The following OSBPL10 variants were observed in gnomAD, a reference collection of about 807,000 sequenced individuals.
OSBPL10 encodes oxysterol-binding protein-related protein 10.
OSBPL10 carries 49 observed loss-of-function variants against 81.7 expected under a neutral mutation model. The ratio of observed to expected loss-of-function variants is 0.60; its 90% CI spans 0.48 to 0.76. OSBPL10 has a LOEUF of 0.76. Among genes scored for constraint, OSBPL10 ranks in the 30% least tolerant of loss-of-function variants. OSBPL10 has a pLI of 0.00. For missense variants in OSBPL10, 923 were observed against 987.8 expected, an observed-to-expected ratio of 0.93 and a Z score of 0.88; for synonymous variants, 419 against 383.6, an observed-to-expected ratio of 1.09 and a Z score of -1.08.
At chr3:31,810,746 C>A (rs1181662372) in intron 4 of OSBPL10, among the ~76,000 whole-genome samples, 3 of 152,154 alleles carry the variant, frequency 2.0e-5, no homozygotes, top group Admixed American at 2.0e-4. Context: ...CAAGTTTTCC[C>A]CTAGCCAATT....
intron 2 of OSBPL10, among the ~76,000 whole-genome samples, chr3:32,039,044 T>C (rs1364401412): frequency 1.4e-4 from 21 of 151,722 alleles, no homozygotes; most frequent in Non-Finnish European, 3.1e-4. Flanking sequence ...ATAAAGAGGG[T>C]CAGGGCATGG....
chr3:31,918,022 T>A (rs1345820259), intron 1 of OSBPL10, among the ~76,000 whole-genome samples: 2 of 152,074 alleles, frequency 1.3e-5, no homozygotes, highest in African/African-American at 2.4e-5. Context: ...AAATTACTAC[T>A]TTATAAATAA....
At chr3:31,977,881 C>T (rs748216486) in intron 1 of OSBPL10, among the ~76,000 whole-genome samples, 2 of 152,148 alleles carry the variant, frequency 1.3e-5, no homozygotes, top group African/African-American at 2.4e-5. Context: ...TTCACATTCT[C>T]ATCCAGTGAG....
At chr3:31,733,751 C>T (rs1001187017) in intron 5 of OSBPL10, among the ~76,000 whole-genome samples, 7 of 141,212 alleles carry the variant, frequency 5.0e-5, no homozygotes, top group South Asian at 2.2e-4. Flanking sequence ...CGGTGGCTCA[C>T]GCCTGTAATC....
rs182752707 is a variant in OSBPL10, at chr3:31,691,843, C to T, written c.1246-7729G>A. Among the ~76,000 whole-genome samples, 56 of 152,090 alleles carry T rather than the reference C, an allele frequency of 3.7e-4. No homozygotes were observed. The East Asian group carries it at 9.7e-3, about 26-fold the overall frequency. Reference sequence around the variant, plus strand: ...AAGCAAGCAGAGAGGCCTCCACCACCGCAAAGGTTCATTTATGTCCTATTT... The same window carrying T: ...AAGCAAGCAGAGAGGCCTCCACCACTGCAAAGGTTCATTTATGTCCTATTT... On this transcript the variant is annotated intron_variant, in intron 7 of 11. Coordinates refer to ENST00000396556, the MANE Select transcript of OSBPL10 (RefSeq NM_017784.5).
intron 4 of OSBPL10, among the ~76,000 whole-genome samples, chr3:31,750,125 T>C (rs1697666574): frequency 6.6e-6 from 1 of 152,150 alleles, no homozygotes; most frequent in Non-Finnish European, 1.5e-5. Flanking sequence ...AAAGTTGCAG[T>C]AAGCTGAGAT....
At chr3:31,779,186 T>G (rs1042360657) in intron 4 of OSBPL10, among the ~76,000 whole-genome samples, 2 of 152,094 alleles carry the variant, frequency 1.3e-5, no homozygotes, top group African/African-American at 4.8e-5. Context: ...AGACAACAAC[T>G]AGCACGATGA....
At chr3:31,784,582 G>A (rs982343407) in intron 4 of OSBPL10, among the ~76,000 whole-genome samples, 1 of 151,972 alleles carries the variant, frequency 6.6e-6, no homozygotes, top group East Asian at 1.9e-4. Context: ...AGCAAAAATG[G>A]GTTTGTTTTT....
chr3:31,856,797 C>G (rs1700922129), intron 3 of OSBPL10, among the ~76,000 whole-genome samples: 1 of 152,138 alleles, frequency 6.6e-6, no homozygotes, highest in Non-Finnish European at 1.5e-5. Flanking sequence ...TCATGTAGGC[C>G]AGACACAGTG....
At chr3:32,074,883 G>A (rs189534699) in intron 1 of OSBPL10, among the ~76,000 whole-genome samples, 2 of 152,112 alleles carry the variant, frequency 1.3e-5, no homozygotes, top group African/African-American at 2.4e-5. Context: ...CTTTTTATGC[G>A]GCTCTTCCAC....
intron 1 of OSBPL10, among the ~76,000 whole-genome samples, chr3:32,050,088 T>A (rs1699657843): frequency 6.6e-6 from 1 of 152,220 alleles, no homozygotes; most frequent in African/African-American, 2.4e-5. Flanking sequence ...GAAGTTTCCC[T>A]CTTGTCCCAA....
intron 6 of OSBPL10, chr3:31,704,240 G>A (rs1221251825): frequency 6.6e-6 from 1 of 152,428 alleles, no homozygotes; most frequent in Non-Finnish European, 1.5e-5. Flanking sequence ...TGGATTTCAG[G>A]TCAGTTTGAA....
At chr3:31,806,620 A>C (rs934899111) in intron 4 of OSBPL10, among the ~76,000 whole-genome samples, 2 of 152,226 alleles carry the variant, frequency 1.3e-5, no homozygotes, top group Non-Finnish European at 2.9e-5. Context: ...CAATGAGCAA[A>C]TAAAGACATA....
chr3:32,027,473 T>C (rs1341132816), intron 2 of OSBPL10, among the ~76,000 whole-genome samples: 6 of 152,120 alleles, frequency 3.9e-5, no homozygotes, highest in Admixed American at 2.0e-4. Context: ...ATGTTTTATA[T>C]TCATCAAAGA....
At chr3:31,817,940 A>C (rs1457755007) in intron 4 of OSBPL10, among the ~76,000 whole-genome samples, 1 of 152,206 alleles carries the variant, frequency 6.6e-6, no homozygotes, top group East Asian at 1.9e-4. Flanking sequence ...CCATGTCTCT[A>C]CAAAAAATAC....
At chr3:31,807,866 T>G (rs1699562560) in intron 4 of OSBPL10, among the ~76,000 whole-genome samples, 1 of 152,222 alleles carries the variant, frequency 6.6e-6, no homozygotes, top group Non-Finnish European at 1.5e-5. Flanking sequence ...GAAGAGGCAC[T>G]GAAGACTACA....
At position 31,965,459 on chromosome 3, in the gene OSBPL10, T is replaced by TATAATATATG. The variant is rs71068019; in HGVS notation, c.281+15439_281+15440insCATATATTAT. Among the ~76,000 whole-genome samples, 202 of 69,908 alleles carry TATAATATATG rather than the reference T, an allele frequency of 2.9e-3. 18 individuals carry two copies. Among genetic ancestry groups the TATAATATATG allele is most frequent in the African/African-American group, 9.0e-3 (129 of 14,404 alleles). The allele number at this position is 69,908 out of a possible 152,430, so 45.9% of individuals were successfully genotyped here. On this transcript the variant is annotated intron_variant, in intron 1 of 11. Transcript: ENST00000396556. ...ATAATATATATTATATAATATATAATTTATATAATATATATTATATATTAT... is the reference window on the plus strand; with the variant it reads ...ATAATATATATTATATAATATATAATATAATATATGTTATATAATATATATTATATATTAT...
intron 5 of OSBPL10, among the ~76,000 whole-genome samples, chr3:31,743,773 C>A (rs1282400323): frequency 6.6e-6 from 1 of 152,184 alleles, no homozygotes; most frequent in Non-Finnish European, 1.5e-5. Flanking sequence ...CCATCGAACA[C>A]TGAAATGAAA....
intron 4 of OSBPL10, among the ~76,000 whole-genome samples, chr3:31,769,459 CAAAAAAAA>C (rs1278090768): frequency 2.8e-5 from 1 of 36,042 alleles, no homozygotes; most frequent in African/African-American, 8.4e-5. Flanking sequence ...AAAAAAAAAA[CAAAAAAAA>C]AACAAAAAAA....
Sources: allele counts gnomAD v4.1 joint callset (sites outside exome capture counted in the v4.1 genomes callset), GRCh38; gene constraint gnomAD v4.1.1; transcripts MANE v1.5; gene names NCBI Gene and HGNC (gene_info 2026-07-23, HGNC 2026-07-21).